The following ROBO3 variants were observed in gnomAD, a reference collection of about 807,000 sequenced individuals.
ROBO3 encodes roundabout guidance receptor 3.
A neutral mutation model predicts 160.5 loss-of-function variants in ROBO3; 97 were observed. The observed-to-expected ratio is 0.60, with a 90% confidence interval of 0.51 to 0.72. ROBO3 has a LOEUF of 0.72. Among genes scored for constraint, ROBO3 ranks in the 30% least tolerant of loss-of-function variants. ROBO3 has a pLI of 0.00. For synonymous variants in ROBO3, 780 were observed against 746.2 expected (o/e 1.05, Z -0.74); for missense variants, 1,858 against 1,846.5 (o/e 1.01, Z -0.11).
In ROBO3 at chr11:124,865,470, G is replaced by A; in HGVS notation, c.-108G>A. 8.5e-7 allele frequency: 1 copy of A among 1,175,566 alleles called. No homozygotes were observed. The allele number at this position is 1,175,566 out of a possible 1,614,324, so 72.8% of individuals were successfully genotyped here. ...CCGGCAGGAGAGCGGCACCGTGGCTGCCGCAGCGCGCAGAGGCTGTGGAGG... is the reference window on the plus strand; with the variant it reads ...CCGGCAGGAGAGCGGCACCGTGGCTACCGCAGCGCGCAGAGGCTGTGGAGG... On this transcript the variant is annotated 5_prime_UTR_variant, in exon 1 of 28. Transcript: ENST00000397801. The surrounding 1 kb of genome is among the most constrained non-coding windows in gnomAD (Gnocchi z 5.5).
Position 124,880,434 on chromosome 11 carries a change from A to G in ROBO3, c.3975A>G (p.Pro1325=). Residue 1325 remains proline (P), a synonymous_variant, in exon 27 of 28, where the codon CCA becomes CCG. Transcript: ENST00000397801. ...GTGCTGCAGAAGAGGCCTGGCTCCCATACAGCAGACCAAGCTTCCTGTCCC... is the reference window on the plus strand; with the variant it reads ...GTGCTGCAGAAGAGGCCTGGCTCCCGTACAGCAGACCAAGCTTCCTGTCCC... The part of the protein sequence containing the change: ...VLHPDEEAWL[P]YSRPSFLSRG... 1.9e-6 allele frequency: 3 copies of G among 1,613,224 alleles called. No homozygotes were observed. The highest frequency in any genetic ancestry group is 2.2e-5 in the East Asian group (1 of 44,848).
Position 124,868,875 on chromosome 11 carries a change from C to T in ROBO3, c.234C>T (p.Gly78=). ...EQPPDLLVSR[G]EPATLPCRAE... ...CGCCAGATCTGCTGGTCTCCCGAGG[C>T]GAGCCCGCCACGTTGCCCTGCCGCG... Residue 78 remains glycine (G), a synonymous_variant, in exon 2 of 28, where the codon GGC becomes GGT. Transcript: ENST00000397801. The T allele has an allele frequency of 6.2e-7, 1 of 1,607,036 alleles. No individual in the cohort carries two copies. Among genetic ancestry groups the T allele is most frequent in the Non-Finnish European group, 8.5e-7 (1 of 1,177,766 alleles).
At position 124,869,429 on chromosome 11, in the gene ROBO3, G is replaced by GCCCCCCCCCCCCCCCCCCCCCCCCCCCCC; in HGVS notation, c.488-15_488-14insCCCCCCCCCCCCCCCCCCCCCCCCCCCCC. 1.5e-6 allele frequency: 2 copies of GCCCCCCCCCCCCCCCCCCCCCCCCCCCCC among 1,295,764 alleles called. No individual in the cohort carries two copies. Among genetic ancestry groups the GCCCCCCCCCCCCCCCCCCCCCCCCCCCCC allele is most frequent in the Non-Finnish European group, 2.2e-6 (2 of 929,942 alleles). The allele number at this position is 1,295,764 out of a possible 1,614,324, so 80.3% of individuals were successfully genotyped here. The stretch of plus-strand genomic sequence containing the variant: ...TGTCACTCTACACCCTGCTTATTTC[G>GCCCCCCCCCCCCCCCCCCCCCCCCCCCCC]CCCCCCACCGCCCCGCCCAGTCCTC... On this transcript the variant is annotated intron_variant, in intron 2 of 27. Coordinates refer to ENST00000397801, the MANE Select transcript of ROBO3 (RefSeq NM_022370.4). The surrounding 1 kb of genome is among the most constrained non-coding windows in gnomAD (Gnocchi z 4.2).
In ROBO3 at chr11:124,878,487, G is replaced by T; in HGVS notation, c.3320+51G>T. 1 of 1,604,698 alleles carries T rather than the reference G, an allele frequency of 6.2e-7. No individual in the cohort carries two copies. On this transcript the variant is annotated intron_variant, in intron 22 of 27. Transcript: ENST00000397801. This position sits in a 1 kb window ranked among gnomAD's most constrained non-coding sequence, Gnocchi z 4.3. ...CCACACACCTGCGGCCAGACCATGG[G>T]CTGCTGGGGAGGAAGGGGAGGGGGC...
Position 124,872,231 on chromosome 11 carries a change from C to A in ROBO3, c.1159-150C>A. 7.1e-6 allele frequency: 5 copies of A among 708,790 alleles called. No homozygotes were observed. In the South Asian group the frequency reaches 8.4e-5, roughly 12 times the overall value. 43.9% of individuals were successfully genotyped at this position (708,790 alleles called of 1,614,324 possible). A position where few individuals can be genotyped will look rare whatever the true frequency, so the allele number is the denominator to read the frequency against. On this transcript the variant is annotated intron_variant, in intron 7 of 27. Coordinates refer to ENST00000397801, the MANE Select transcript of ROBO3 (RefSeq NM_022370.4). The surrounding 1 kb of genome is among the most constrained non-coding windows in gnomAD (Gnocchi z 4.3). Reference sequence around the variant, plus strand: ...CTGATGTTTTTGTGAATACATTTAACTACTTTGCCCAAGTTCACATCACTG... The same window carrying A: ...CTGATGTTTTTGTGAATACATTTAAATACTTTGCCCAAGTTCACATCACTG...
Position 124,872,836 on chromosome 11 carries a change from G to T in ROBO3, c.1331-48G>T. The T allele has an allele frequency of 1.4e-6, 2 of 1,450,222 alleles. No individual in the cohort carries two copies. Among genetic ancestry groups the T allele is most frequent in the Non-Finnish European group, 9.2e-7 (1 of 1,083,416 alleles). 89.8% of individuals were successfully genotyped at this position (1,450,222 alleles called of 1,614,324 possible). ...AGAATGAGGACAAGGGGCTGCCCGC[G>T]GGGCCCTAAGCTCCTCCCCTGAGGT... On this transcript the variant is annotated intron_variant, in intron 8 of 27. Transcript: ENST00000397801. The surrounding 1 kb of genome is among the most constrained non-coding windows in gnomAD (Gnocchi z 4.3).
chr11:124,867,672 C>T (rs1946217709), intron 1 of ROBO3, among the ~76,000 whole-genome samples: 1 of 151,814 alleles, frequency 6.6e-6, no homozygotes, highest in South Asian at 2.1e-4. Flanking sequence ...TCAGCCTGTC[C>T]AGCTTTGTCT....
In ROBO3 at chr11:124,872,678, C is replaced by A. The variant is rs1565311186; in HGVS notation, c.1330+126C>A. 8.9e-7 allele frequency: 1 copy of A among 1,118,112 alleles called. No individual in the cohort carries two copies. 69.3% of individuals were successfully genotyped at this position (1,118,112 alleles called of 1,614,324 possible). ...GGAGAGATGTGTTCCTGAGGCATGA[C>A]CTTGAAGTTTGGAAACCAGCAGCAG... On this transcript the variant is annotated intron_variant, in intron 8 of 27. Transcript: ENST00000397801. The surrounding 1 kb of genome is among the most constrained non-coding windows in gnomAD (Gnocchi z 4.3).
At position 124,881,243 on chromosome 11, in the gene ROBO3, C is replaced by A. The variant is rs186989674; in HGVS notation, c.4154C>A (p.Pro1385Gln). The change falls in exon 28 of 28, where the codon CCA (proline) becomes CAA (glutamine). Residue 1385 changes from proline (P) to glutamine (Q), a missense_variant. Pro to Gln is a moderately conservative substitution (Grantham distance 76). Transcript: ENST00000397801. ...QRPGQKRREEPR is the reference protein window; with the variant it reads ...QRPGQKRREEQR The stretch of plus-strand genomic sequence containing the variant: ...CATCTCTCTCTCTCTCCCTAGGAAC[C>A]AAGATGACCCTTGTTGGGGCATTGA... 58 of 1,605,464 alleles carry A rather than the reference C, an allele frequency of 3.6e-5. No individual in the cohort carries two copies. In the African/African-American group the frequency reaches 5.8e-4, roughly 16 times the overall value.
intron 6 of ROBO3, 112 bp downstream of exon 6, chr11:124,870,840 C>T: frequency 6.5e-7 from 1 of 1,529,550 alleles, no homozygotes; most frequent in Non-Finnish European, 8.9e-7. Context: ...GGATGGAACA[C>T]CTGAGACTTC....
At position 124,869,286 on chromosome 11, in the gene ROBO3, C is replaced by T. The variant is rs1946246408; in HGVS notation, c.487+158C>T. ...TTGATCTCTAATGGCCACACCACGG[C>T]CAGAGAAGGAAGTGGATCTGACTCC... On this transcript the variant is annotated intron_variant, in intron 2 of 27. Transcript: ENST00000397801. The surrounding 1 kb of genome is among the most constrained non-coding windows in gnomAD (Gnocchi z 4.2). Among the ~76,000 whole-genome samples, 1 of 152,204 alleles carries T rather than the reference C, an allele frequency of 6.6e-6. No individual in the cohort carries two copies. The highest frequency in any genetic ancestry group is 2.4e-5 in the African/African-American group (1 of 41,446).
chr11:124,870,948 G>A, intron 6 of ROBO3, 66 bp from the exon 7 acceptor site: 1 of 1,577,952 alleles, frequency 6.3e-7, no homozygotes, highest in Non-Finnish European at 8.7e-7. Context: ...TCTCTCTCCT[G>A]TTCCTGCAGT....
chr11:124,869,572 G>A lies in ROBO3; in HGVS notation c.610G>A (p.Gly204Ser). Residue 204 changes from glycine (G) to serine (S), a missense_variant, in exon 3 of 28, where the codon GGT (glycine) becomes AGT (serine). Gly to Ser is a moderately conservative substitution (Grantham distance 56). Transcript: ENST00000397801. The surrounding 1 kb of genome is among the most constrained non-coding windows in gnomAD (Gnocchi z 4.2). ...PEPSVSWRKD[G>S]ARLKEEEGRI... ...GCCTTCCGTGTCCTGGAGGAAGGAC[G>A]GTGCAAGACTCAAGGAAGAGGAAGG... 1 of 1,574,536 alleles carries A rather than the reference G, an allele frequency of 6.4e-7. No individual in the cohort carries two copies. Among genetic ancestry groups the A allele is most frequent in the Non-Finnish European group, 8.6e-7 (1 of 1,159,704 alleles).
chr11:124,867,284 G>A (rs868866367), intron 1 of ROBO3, among the ~76,000 whole-genome samples: 4 of 152,184 alleles, frequency 2.6e-5, no homozygotes, highest in African/African-American at 9.7e-5. Flanking sequence ...GAGTAGTGAC[G>A]TTTATCCCCC....
rs751029954 is a variant in ROBO3 at position 124,875,315 on chromosome 11, A to G, written c.2278A>G (p.Thr760Ala). The change falls in exon 14 of 28, where the codon ACC becomes GCC. Residue 760 changes from threonine to alanine, a missense_variant. Transcript: ENST00000397801. Reference sequence around the variant, plus strand: ...GCTGGGGGCTGAAAGCCTCTCTGTGACCAGGAGCATTCCTGAGGAGGGTAA... The same window carrying G: ...GCTGGGGGCTGAAAGCCTCTCTGTGGCCAGGAGCATTCCTGAGGAGGGTAA... The part of the protein sequence containing the change: ...EGLGAESLSV[T>A]RSIPEEAPSG... 8.8e-6 allele frequency: 14 copies of G among 1,590,900 alleles called. 1 individual carries two copies. The South Asian group carries it at 1.4e-4, about 16-fold the overall frequency.
At chr11:124,879,718 A>T in intron 25 of ROBO3, 69 bp from the exon 26 acceptor site, 1 of 1,597,300 alleles carries the variant, frequency 6.3e-7, no homozygotes, top group East Asian at 2.3e-5. Context: ...GGTGCCAGGG[A>T]ATGCAGGTGA....
intron 1 of ROBO3, among the ~76,000 whole-genome samples, chr11:124,867,277 T>C (rs1368572678): frequency 1.3e-5 from 2 of 152,006 alleles, no homozygotes; most frequent in African/African-American, 4.8e-5. Flanking sequence ...AATGGCAGAG[T>C]AGTGACGTTT....
chr11:124,875,843 C>G, intron 15 of ROBO3, 111 bp from the exon 16 acceptor site: 1 of 1,456,078 alleles, frequency 6.9e-7, no homozygotes, highest in Non-Finnish European at 9.5e-7. Flanking sequence ...AGTGTTGTTT[C>G]CAGGTTGAAT....
Position 124,880,510 on chromosome 11 carries a change from G to T in ROBO3, c.4051G>T (p.Gly1351Cys). The T allele has an allele frequency of 6.3e-7, 1 of 1,589,180 alleles. No homozygotes were observed. The highest frequency in any genetic ancestry group is 1.1e-5 in the South Asian group (1 of 87,448). The change falls in exon 27 of 28, where the codon GGC becomes TGC. Residue 1351 changes from glycine (G) to cysteine (C), a missense_variant. Coordinates refer to ENST00000397801, the MANE Select transcript of ROBO3 (RefSeq NM_022370.4). ...CSTAGSNSSRGSSSSRGSRGP... is the reference protein window; with the variant it reads ...CSTAGSNSSRCSSSSRGSRGP... ...CACGGCCGGCAGCAACTCTTCCAGG[G>T]GCTCCAGCAGCTCTAGGGGCTCCCG...
Sources: gnomAD v4.1 joint callset for allele counts (sites outside exome capture counted in the v4.1 genomes callset) on GRCh38, gnomAD v4.1.1 for gene constraint, Gnocchi (gnomAD v3.1) non-coding constraint, MANE v1.5 for transcripts, NCBI Gene and HGNC (gene_info 2026-07-23, HGNC 2026-07-21) for gene names.